DCLK1: variants seen among roughly 807,000 people sequenced by gnomAD.
The protein encoded by DCLK1 is serine/threonine-protein kinase DCLK1.
Under a neutral mutation model 86.2 loss-of-function variants are expected in DCLK1, and 16 were observed. That is an observed-to-expected ratio of 0.19 (90% CI 0.13 to 0.28). The LOEUF (loss-of-function observed/expected upper bound fraction) is 0.28. DCLK1 is among the 10% of genes least tolerant of loss of function. The probability of loss-of-function intolerance (pLI) is 1.00; values close to 1 mark genes in which losing one functional copy is unlikely to be tolerated. For synonymous variants in DCLK1, 369 were observed against 370.5 expected (o/e 1.00, Z 0.05); for missense variants, 590 against 940.2 (o/e 0.63, Z 4.87).
At chr13:36,076,551 C>T (rs1268095368) in intron 3 of DCLK1, among the ~76,000 whole-genome samples, 1 of 152,184 alleles carries the variant, frequency 6.6e-6, no homozygotes, top group East Asian at 1.9e-4. Flanking sequence ...TCTCTCTCTA[C>T]ATATTTTAAC....
intron 10 of DCLK1, among the ~76,000 whole-genome samples, chr13:35,826,489 T>G (rs1350093550): frequency 7.6e-6 from 1 of 131,846 alleles, no homozygotes; most frequent in East Asian, 2.4e-4. Flanking sequence ...TGCCATTGCA[T>G]TCCAGCCTGG....
intron 4 of DCLK1, among the ~76,000 whole-genome samples, chr13:35,871,661 AT>A (rs56833871): frequency 0.057 from 8,666 of 152,244 alleles, 840 homozygotes; most frequent in African/African-American, 0.2. Context: ...TCCTTGAGTT[AT>A]CTGTATATGT....
At chr13:35,809,818 A>G (rs1008745740) in intron 12 of DCLK1, among the ~76,000 whole-genome samples, 2 of 152,294 alleles carry the variant, frequency 1.3e-5, no homozygotes, top group Non-Finnish European at 2.9e-5. Flanking sequence ...TCGCCTCAGG[A>G]ATTTCCCTAT....
chr13:35,843,913 A>G (rs1869995678), intron 6 of DCLK1, among the ~76,000 whole-genome samples: 1 of 152,228 alleles, frequency 6.6e-6, no homozygotes, highest in South Asian at 2.1e-4. Context: ...GATCCACAGA[A>G]GCTCTAAAGA....
chr13:36,125,689 G>A lies in DCLK1; in HGVS notation c.376+73C>T, dbSNP rs376698212. Reference sequence around the variant, plus strand: ...ATGTCAACTGTCAGAGGGCAAATGCGAATCGGCTACAACACTGGAAATCTG... The same window carrying A: ...ATGTCAACTGTCAGAGGGCAAATGCAAATCGGCTACAACACTGGAAATCTG... On this transcript the variant is annotated intron_variant, in intron 2 of 16. Coordinates refer to ENST00000360631, the MANE Select transcript of DCLK1 (RefSeq NM_001330071.2). 9.2e-6 allele frequency: 14 copies of A among 1,529,618 alleles called. 1 individual carries two copies. In the East Asian group the frequency reaches 1.8e-4, roughly 20 times the overall value. The allele number at this position is 1,529,618 out of a possible 1,614,324, so 94.8% of individuals were successfully genotyped here.
In DCLK1 at chr13:36,100,064, C is replaced by T. The variant is rs186909052; in HGVS notation, c.723+11805G>A. On this transcript the variant is annotated intron_variant, in intron 3 of 16. Transcript: ENST00000360631. ...TTTGCTATATAAGAAAACGATTGGC[C>T]GGGCATGGTGGCTCACACCTGTAAT... Among the ~76,000 whole-genome samples, 184 of 151,354 alleles carry T rather than the reference C, an allele frequency of 1.2e-3. 1 individual carries two copies. Among genetic ancestry groups the T allele is most frequent in the African/African-American group, 4.2e-3 (175 of 41,238 alleles).
Position 35,813,730 on chromosome 13 carries a change from C to CTT in DCLK1, c.1555-2764_1555-2763dup, listed in dbSNP as rs35366486. ...ATCACTTGCACAGTGCCCCGCCCCG[C>CTT]TTTTTTTTTTTTTTTTTTTGCTTTA... On this transcript the variant is annotated intron_variant, in intron 11 of 16. Transcript: ENST00000360631. 5.8e-3 allele frequency among the ~76,000 whole-genome samples: 614 copies of CTT among 105,366 alleles called. 6 individuals carry two copies. Among genetic ancestry groups the CTT allele is most frequent in the East Asian group, 9.2e-3 (33 of 3,600 alleles). The allele number at this position is 105,366 out of a possible 152,430, so 69.1% of individuals were successfully genotyped here.
intron 3 of DCLK1, among the ~76,000 whole-genome samples, chr13:36,012,806 A>G (rs1881341048): frequency 2.3e-5 from 1 of 43,264 alleles, no homozygotes; most frequent in Non-Finnish European, 4.3e-5. Context: ...TCTCCTGGAT[A>G]ATATCCTGCA....
In DCLK1 at chr13:35,854,668, G is replaced by T. The variant is rs894061393; in HGVS notation, c.941-75C>A. The T allele has an allele frequency of 3.8e-6, 5 of 1,332,580 alleles. No individual in the cohort carries two copies. The African/African-American group carries it at 7.3e-5, about 20-fold the overall frequency. The allele number at this position is 1,332,580 out of a possible 1,614,324, so 82.5% of individuals were successfully genotyped here. A position where few individuals can be genotyped will look rare whatever the true frequency, so the allele number is the denominator to read the frequency against. ...TTTCATGACAAATCATCTTCTGCAA[G>T]AAATAAACAATTATATAGAGAGCCA... On this transcript the variant is annotated intron_variant, in intron 5 of 16. Transcript: ENST00000360631.
intron 10 of DCLK1, among the ~76,000 whole-genome samples, chr13:35,824,313 A>G (rs995960736): frequency 6.6e-6 from 1 of 152,096 alleles, no homozygotes; most frequent in African/African-American, 2.4e-5. Flanking sequence ...AGTAGCGGGA[A>G]CCACAGGAGC....
intron 6 of DCLK1, among the ~76,000 whole-genome samples, chr13:35,841,672 G>C (rs1429956835): frequency 6.6e-6 from 1 of 152,142 alleles, no homozygotes; most frequent in East Asian, 1.9e-4. Flanking sequence ...CAGATGATGG[G>C]CAGTCAAGAG....
In DCLK1 at chr13:35,839,132, T is replaced by C; in HGVS notation, c.1080A>G (p.Lys360=). 6.3e-7 allele frequency: 1 copy of C among 1,598,316 alleles called. No individual in the cohort carries two copies. Among genetic ancestry groups the C allele is most frequent in the East Asian group, 2.2e-5 (1 of 44,492 alleles). ...GGSSTSLAST[K]VCSSMDENDG... is the part of the protein sequence containing the mutation. ...CGTTCTCATCCATCGAGCTGCAGAC[T>C]TTGGTGGACGCAAGTGACGTAGAGG... is the stretch of plus-strand genomic sequence containing the variant. Residue 360 remains lysine, a synonymous_variant, in exon 7 of 17, where the codon AAA becomes AAG. Coordinates refer to ENST00000360631, the MANE Select transcript of DCLK1 (RefSeq NM_001330071.2).
intron 4 of DCLK1, among the ~76,000 whole-genome samples, chr13:35,910,411 G>T (rs1053855645): frequency 4.6e-4 from 70 of 152,246 alleles, no homozygotes; most frequent in African/African-American, 1.7e-3. Context: ...TCTTTTGTTG[G>T]GTCAATAACC....
At chr13:36,036,786 A>C (rs1247479175) in intron 3 of DCLK1, among the ~76,000 whole-genome samples, 1 of 152,176 alleles carries the variant, frequency 6.6e-6, no homozygotes, top group Admixed American at 6.5e-5. Flanking sequence ...AAAGCTCTTT[A>C]GGAAGGTTAA....
Position 36,090,299 on chromosome 13 carries a change from T to C in DCLK1, c.723+21570A>G, listed in dbSNP as rs74919019. 2.8e-3 allele frequency among the ~76,000 whole-genome samples: 426 copies of C among 152,338 alleles called. 9 individuals carry two copies. The East Asian group carries it at 0.041, about 15-fold the overall frequency. On this transcript the variant is annotated intron_variant, in intron 3 of 16. Transcript: ENST00000360631. ...GTCCGATAAGGACGCACATCCTCTA[T>C]TCACAGGCATATTTTCAAAATACCC...
chr13:35,894,439 C>T (rs938899541), intron 4 of DCLK1, among the ~76,000 whole-genome samples: 14 of 152,260 alleles, frequency 9.2e-5, no homozygotes, highest in Non-Finnish European at 1.5e-4. Flanking sequence ...GAAGGGCTCT[C>T]GCAGTGGAGA....
chr13:35,804,331 G>C (rs2086983875), intron 15 of DCLK1, among the ~76,000 whole-genome samples: 1 of 145,326 alleles, frequency 6.9e-6, no homozygotes, highest in African/African-American at 2.6e-5. Flanking sequence ...ACGGGGTTTA[G>C]CCATGTTGGC....
Position 36,125,751 on chromosome 13 carries a change from A to G in DCLK1, c.376+11T>C. 2 of 1,605,242 alleles carry G rather than the reference A, an allele frequency of 1.2e-6. No homozygotes were observed. Among genetic ancestry groups the G allele is most frequent in the Non-Finnish European group, 1.7e-6 (2 of 1,174,024 alleles). On this transcript the variant is annotated intron_variant, in intron 2 of 16. Coordinates refer to ENST00000360631, the MANE Select transcript of DCLK1 (RefSeq NM_001330071.2). ...TGTAGGGTCACGTGGGGGTTATCTC[A>G]CAGCGCTCACCTTCCACCAGTTGGT...
intron 4 of DCLK1, among the ~76,000 whole-genome samples, chr13:35,921,379 A>G (rs1452274157): frequency 6.6e-6 from 1 of 152,016 alleles, no homozygotes; most frequent in Non-Finnish European, 1.5e-5. Context: ...TCTCACCCCT[A>G]CATACCCATG....
Sources: allele counts gnomAD v4.1 joint callset (sites outside exome capture counted in the v4.1 genomes callset), GRCh38; gene constraint gnomAD v4.1.1; transcripts MANE v1.5; gene names NCBI Gene and HGNC (gene_info 2026-07-23, HGNC 2026-07-21).